Variants in INPP4B observed in about 807,000 individuals in gnomAD.
INPP4B encodes inositol polyphosphate-4-phosphatase type II B.
INPP4B carries 55 observed loss-of-function variants against 122.5 expected under a neutral mutation model. The ratio of observed to expected loss-of-function variants is 0.45; its 90% confidence interval spans 0.36 to 0.56. INPP4B has a LOEUF of 0.56. Ranked by LOEUF, INPP4B falls within the 20% of genes least tolerant of loss-of-function variation. The pLI is 0.00. For missense variants in INPP4B, 1,000 were observed against 1,097.7 expected (o/e 0.91, Z 1.26); for synonymous variants, 403 against 388.7 (o/e 1.04, Z -0.43).
At chr4:142,408,946 A>G (rs1308573114) in intron 5 of INPP4B, among the ~76,000 whole-genome samples, 1 of 152,188 alleles carries the variant, frequency 6.6e-6, no homozygotes, top group Non-Finnish European at 1.5e-5. Context: ...TGTGGGAAAA[A>G]TAATAATACA....
intron 2 of INPP4B, among the ~76,000 whole-genome samples, chr4:142,623,839 A>G (rs992511726): frequency 6.0e-5 from 9 of 150,992 alleles, no homozygotes; most frequent in Non-Finnish European, 8.8e-5. Flanking sequence ...TGTCCTTGCG[A>G]TAGTTTACTG....
At chr4:142,049,120 C>T (rs749661455) in intron 25 of INPP4B, among the ~76,000 whole-genome samples, 18 of 151,984 alleles carry the variant, frequency 1.2e-4, no homozygotes, top group Middle Eastern at 3.4e-3. Context: ...CATTATAGCA[C>T]ACGTTACCAG....
intron 19 of INPP4B, among the ~76,000 whole-genome samples, chr4:142,123,668 A>G (rs1012802463): frequency 7.2e-5 from 11 of 152,172 alleles, no homozygotes; most frequent in African/African-American, 1.2e-4. Context: ...TAGGTCTTCA[A>G]ATCTTATATC....
At chr4:142,083,252 G>A (rs1256057352) in intron 24 of INPP4B, among the ~76,000 whole-genome samples, 1 of 152,116 alleles carries the variant, frequency 6.6e-6, no homozygotes, top group African/African-American at 2.4e-5. Context: ...AGCAGAACCA[G>A]GATTCAAACA....
intron 16 of INPP4B, among the ~76,000 whole-genome samples, chr4:142,168,868 C>T (rs556871507): frequency 2.0e-5 from 3 of 151,708 alleles, no homozygotes; most frequent in Admixed American, 6.6e-5. Flanking sequence ...ACTCTAATCT[C>T]TGTCTCTTCA....
intron 2 of INPP4B, among the ~76,000 whole-genome samples, chr4:142,657,146 A>T (rs1430980956): frequency 1.3e-5 from 2 of 152,158 alleles, no homozygotes; most frequent in African/African-American, 4.8e-5. Flanking sequence ...TGATATCTGT[A>T]AAAAGAGCTC....
intron 9 of INPP4B, 106 bp downstream of exon 9, chr4:142,305,352 C>G: frequency 1.2e-6 from 1 of 805,562 alleles, no homozygotes; most frequent in Non-Finnish European, 2.0e-6. Flanking sequence ...TATTTGAGAA[C>G]TGACATCTAA....
chr4:142,474,216 CTAGCCA>C (rs1164273679), intron 2 of INPP4B: 1 of 152,196 alleles, frequency 6.6e-6, no homozygotes. Flanking sequence ...GGTAACCAGG[CTAGCCA>C]TACCTGCCAG....
chr4:142,708,198 G>A (rs138773099), intron 2 of INPP4B, among the ~76,000 whole-genome samples: 79 of 152,284 alleles, frequency 5.2e-4, no homozygotes, highest in Non-Finnish European at 9.1e-4. Context: ...GCTCATATGT[G>A]TAGGCAAAGA....
chr4:142,733,113 T>C (rs941482378), intron 1 of INPP4B, among the ~76,000 whole-genome samples: 3 of 152,156 alleles, frequency 2.0e-5, no homozygotes, highest in Non-Finnish European at 4.4e-5. Flanking sequence ...ATGAATTACA[T>C]ATCAATTTGT....
At chr4:142,184,980 A>G (rs1832527174) in intron 15 of INPP4B, among the ~76,000 whole-genome samples, 1 of 152,212 alleles carries the variant, frequency 6.6e-6, no homozygotes, top group African/African-American at 2.4e-5. Context: ...TTTAAGAAAT[A>G]TAATTCCAAC....
chr4:142,303,889 G>A (rs1453594207), intron 9 of INPP4B, among the ~76,000 whole-genome samples: 2 of 151,966 alleles, frequency 1.3e-5, no homozygotes, highest in East Asian at 1.9e-4. Flanking sequence ...TGACCCTTCG[G>A]TTCTTGTCCT....
intron 7 of INPP4B, among the ~76,000 whole-genome samples, chr4:142,378,767 T>C (rs1185135138): frequency 6.6e-6 from 1 of 152,188 alleles, no homozygotes; most frequent in Non-Finnish European, 1.5e-5. Context: ...TGAATATCAC[T>C]CAATGCACAT....
intron 1 of INPP4B, among the ~76,000 whole-genome samples, chr4:142,754,400 C>T (rs1770190063): frequency 6.6e-6 from 1 of 151,936 alleles, no homozygotes; most frequent in African/African-American, 2.4e-5. Context: ...GTGAATAAAC[C>T]TAATGCATGT....
chr4:142,651,401 A>C (rs563286349), intron 2 of INPP4B, among the ~76,000 whole-genome samples: 16 of 152,342 alleles, frequency 1.1e-4, no homozygotes, highest in Non-Finnish European at 2.1e-4. Flanking sequence ...AGAGACATAA[A>C]AAATTCTTCA....
intron 2 of INPP4B, among the ~76,000 whole-genome samples, chr4:142,609,700 C>T (rs1742059863): frequency 1.3e-5 from 2 of 152,172 alleles, no homozygotes; most frequent in African/African-American, 4.8e-5. Flanking sequence ...CTAAAAACCA[C>T]TTATCTGCTT....
intron 9 of INPP4B, among the ~76,000 whole-genome samples, chr4:142,294,823 C>A (rs1757880406): frequency 3.1e-5 from 1 of 32,488 alleles, no homozygotes; most frequent in Non-Finnish European, 9.2e-5. Flanking sequence ...GAGCGAGACT[C>A]CGTCTCAAAA....
At chr4:142,127,118 C>T (rs1185505210) in intron 18 of INPP4B, among the ~76,000 whole-genome samples, 1 of 152,108 alleles carries the variant, frequency 6.6e-6, no homozygotes, top group Non-Finnish European at 1.5e-5. Context: ...AACTACTTTG[C>T]ACTTACTGCA....
chr4:142,217,519 C>T (rs367853676), intron 12 of INPP4B, among the ~76,000 whole-genome samples: 3 of 152,278 alleles, frequency 2.0e-5, no homozygotes, highest in Admixed American at 2.0e-4. Flanking sequence ...AGAAATGAGA[C>T]ATGGTTCGGT....
Sources: allele counts gnomAD v4.1 joint callset (sites outside exome capture counted in the v4.1 genomes callset), GRCh38; gene constraint gnomAD v4.1.1; transcripts MANE v1.5; gene names NCBI Gene and HGNC (gene_info 2026-07-23, HGNC 2026-07-21).